The following PER3 variants were observed in gnomAD, a reference collection of about 807,000 sequenced individuals.
PER3 encodes the protein period circadian regulator 3.
A neutral mutation model predicts 127.2 loss-of-function variants in PER3; 107 were observed. The observed-to-expected ratio is 0.84, with a 90% CI of 0.72 to 0.99. The LOEUF (loss-of-function observed/expected upper bound fraction) is 0.99, where lower values mean the gene tolerates loss of function less well. Ranked by LOEUF, PER3 falls within the 50% of genes least tolerant of loss-of-function variation. PER3 has a pLI of 0.00. For synonymous variants in PER3, 618 were observed against 585.8 expected, an observed-to-expected ratio of 1.05 and a Z score of -0.79; for missense variants, 1,560 against 1,525.8, an observed-to-expected ratio of 1.02 and a Z score of -0.37.
chr1:7,798,457 C>G (rs1421435993), intron 6 of PER3, 68 bp from the exon 7 acceptor site: 1 of 1,214,764 alleles, frequency 8.2e-7, no homozygotes. Context: ...AATATTTCTC[C>G]CAGCCTTGTT....
chr1:7,817,523 A>G (rs903009950), intron 13 of PER3, among the ~76,000 whole-genome samples: 1 of 152,228 alleles, frequency 6.6e-6, no homozygotes, highest in South Asian at 2.1e-4. Flanking sequence ...TGGGTTAGCA[A>G]TTCTAAAGCG....
chr1:7,836,020 C>G (rs576290959), intron 20 of PER3, 75 bp downstream of exon 20: 1 of 1,027,402 alleles, frequency 9.7e-7, no homozygotes. Context: ...TTTTTTGAGA[C>G]GGAGTCTCGC....
At position 7,784,869 on chromosome 1, in the gene PER3, G is replaced by T. The variant is rs749176581; in HGVS notation, c.-9G>T. On this transcript the variant is annotated 5_prime_UTR_variant, in exon 2 of 22. Transcript: ENST00000377532. ...CCAGCACGACGTGGAGCCCCGCGGA[G>T]ACCTCGAGATGCCCCGCGGGGAAGC... The T allele has an allele frequency of 8.7e-6, 13 of 1,491,744 alleles. No individual in the cohort carries two copies. The highest frequency in any genetic ancestry group is 2.0e-4 in the Middle Eastern group (1 of 4,940). 92.4% of individuals were successfully genotyped at this position (1,491,744 alleles called of 1,614,324 possible).
intron 7 of PER3, 107 bp from the exon 8 acceptor site, chr1:7,801,006 C>T (rs956983789): frequency 1.4e-6 from 1 of 728,540 alleles, no homozygotes; most frequent in Non-Finnish European, 2.4e-6. Flanking sequence ...GAGATTTCTA[C>T]CATTTCATAT....
At chr1:7,827,882 C>T (rs1037335451) in intron 18 of PER3, 67 bp downstream of exon 18, 7 of 1,261,530 alleles carry the variant, frequency 5.5e-6, no homozygotes, top group African/African-American at 4.4e-5. Context: ...AAGGTGGTTG[C>T]GTTGGGACTC....
intron 21 of PER3, among the ~76,000 whole-genome samples, chr1:7,841,242 G>A (rs1026757459): frequency 6.6e-6 from 1 of 151,776 alleles, no homozygotes; most frequent in East Asian, 1.9e-4. Context: ...GAAGGGGGTC[G>A]CACAAGCTGG....
At chr1:7,837,489 G>T (rs181563461) in intron 21 of PER3, among the ~76,000 whole-genome samples, 2 of 152,126 alleles carry the variant, frequency 1.3e-5, no homozygotes, top group Admixed American at 1.3e-4. Flanking sequence ...CATTTGTTAT[G>T]TATTTCAAAT....
chr1:7,784,603 T>G, intron 1 of PER3, 51 bp from the exon 2 acceptor site: 1 of 302,776 alleles, frequency 3.3e-6, no homozygotes. Context: ...GCCGCTGGCG[T>G]CGGACTGTCT....
At chr1:7,808,232 C>CA (rs60220289) in intron 10 of PER3, among the ~76,000 whole-genome samples, 12,675 of 96,724 alleles carry the variant, frequency 0.13, 2,351 homozygotes, top group Non-Finnish European at 0.16. Context: ...GACTCTGTCT[C>CA]AAAAAAAAAA....
intron 13 of PER3, 138 bp from the exon 14 acceptor site, chr1:7,819,147 C>A: frequency 1.5e-6 from 1 of 649,666 alleles, no homozygotes; most frequent in Non-Finnish European, 2.6e-6. Flanking sequence ...TTTAGATCTG[C>A]ACTCATTTTT....
chr1:7,798,790 A>C, intron 7 of PER3, 117 bp downstream of exon 7: 1 of 756,838 alleles, frequency 1.3e-6, no homozygotes, highest in Non-Finnish European at 2.2e-6. Flanking sequence ...TTGACCCTTA[A>C]ACTCTTCAGG....
chr1:7,791,882 C>T (rs2097123388), intron 5 of PER3, among the ~76,000 whole-genome samples: 2 of 152,188 alleles, frequency 1.3e-5, no homozygotes, highest in East Asian at 3.9e-4. Flanking sequence ...GCCTGCACTT[C>T]ATTGTCCATA....
At chr1:7,788,814 G>GAAGCA (rs1194166577) in intron 5 of PER3, among the ~76,000 whole-genome samples, 6 of 151,542 alleles carry the variant, frequency 4.0e-5, no homozygotes. Context: ...TGAGGCACGA[G>GAAGCA]AAGCACTTGA....
chr1:7,825,931 C>T (rs758691433), intron 16 of PER3, among the ~76,000 whole-genome samples: 10 of 151,116 alleles, frequency 6.6e-5, no homozygotes, highest in Non-Finnish European at 8.8e-5. Context: ...TTTAGCCAGG[C>T]GTGGTGTGGC....
chr1:7,808,787 G>A, intron 10 of PER3, 106 bp from the exon 11 acceptor site: 2 of 673,984 alleles, frequency 3.0e-6, no homozygotes, highest in Non-Finnish European at 5.3e-6. Flanking sequence ...TGGAGTCAAA[G>A]AATTGTTTTG....
intron 13 of PER3, among the ~76,000 whole-genome samples, chr1:7,812,129 C>G (rs1376007093): frequency 6.6e-6 from 1 of 152,178 alleles, no homozygotes; most frequent in Non-Finnish European, 1.5e-5. Context: ...TCACAGCTGC[C>G]TGGGCCTAGG....
chr1:7,792,482 T>G (rs1401930302), intron 5 of PER3, among the ~76,000 whole-genome samples: 1 of 152,214 alleles, frequency 6.6e-6, no homozygotes, highest in African/African-American at 2.4e-5. Flanking sequence ...AATAATTCTT[T>G]TGGATCTCAA....
Position 7,827,414 on chromosome 1 carries a change from C to T in PER3, c.2485C>T (p.Pro829Ser). 1 of 1,614,196 alleles carries T rather than the reference C, an allele frequency of 6.2e-7. No individual in the cohort carries two copies. The highest frequency in any genetic ancestry group is 1.1e-5 in the South Asian group (1 of 91,092). ...AGAATACGCAGCCCCCGGAACTGCA[C>T]CGGAAGGCCTGCATGGGCTGCCCTT... is the stretch of plus-strand genomic sequence containing the variant. ...GREYAAPGTA[P>S]EGLHGLPLSE... Residue 829 changes from proline to serine, a missense_variant, in exon 18 of 22, where the codon CCG (proline) becomes TCG (serine). By Grantham distance (74) the Pro-to-Ser change is moderately conservative. Around this residue, in one of 3 missense-constraint regions of PER3, gnomAD observed 1,332 missense variants for 1,223.6 expected, o/e 1.09. Coordinates refer to ENST00000377532, the MANE Select transcript of PER3 (RefSeq NM_001377275.1).
In PER3 at chr1:7,826,493, C is replaced by T. The variant is rs1399631293; in HGVS notation, c.1971C>T (p.Thr657=). 9 of 1,606,962 alleles carry T rather than the reference C, an allele frequency of 5.6e-6. No homozygotes were observed. The highest frequency in any genetic ancestry group is 1.7e-6 in the Non-Finnish European group (2 of 1,173,834). ...CTTCCACCTCAGCCAGGGATGCTAC[C>T]CTCTTCTGTGAGCCCTGGACCCTGA... ...VPPPETARDA[T]LFCEPWTLNM... The change falls in exon 17 of 22, where the codon ACC becomes ACT. Residue 657 remains threonine (T), a synonymous_variant. Coordinates refer to ENST00000377532, the MANE Select transcript of PER3 (RefSeq NM_001377275.1). The surrounding 1 kb of genome is among the most constrained non-coding windows in gnomAD (Gnocchi z 4.2).
Sources: allele counts gnomAD v4.1 joint callset (sites outside exome capture counted in the v4.1 genomes callset), GRCh38; gene constraint gnomAD v4.1.1; regional missense constraint gnomAD v4.1.1; non-coding constraint Gnocchi (gnomAD v3.1); transcripts MANE v1.5; gene names NCBI Gene and HGNC (gene_info 2026-07-23, HGNC 2026-07-21).